Variants in COL6A2 observed in about 807,000 individuals in gnomAD.
COL6A2 encodes collagen type VI alpha 2 chain, also known as collagen alpha-2(VI) chain.
A neutral mutation model predicts 124.9 loss-of-function variants in COL6A2; 90 were observed. That is an observed-to-expected ratio of 0.72 (90% CI 0.61 to 0.86). The LOEUF (loss-of-function observed/expected upper bound fraction) is 0.86. Ranked by LOEUF, COL6A2 falls within the 40% of genes least tolerant of loss-of-function variation. The pLI is 0.00. For synonymous variants in COL6A2, 793 were observed against 618.2 expected (o/e 1.28, Z -4.19); for missense variants, 1,607 against 1,502.5 (o/e 1.07, Z -1.15).
At chr21:46,107,822 T>C (rs1054647305) in intron 1 of COL6A2, among the ~76,000 whole-genome samples, 3 of 152,184 alleles carry the variant, frequency 2.0e-5, no homozygotes, top group African/African-American at 7.2e-5. Flanking sequence ...TAAACCAATG[T>C]ATTTCTTAAA....
At chr21:46,122,757 A>C (rs748931298) in intron 20 of COL6A2, 118 bp from the exon 21 acceptor site, 25 of 1,117,872 alleles carry the variant, frequency 2.2e-5, no homozygotes, top group African/African-American at 3.1e-5. Flanking sequence ...AACCACATAG[A>C]TGCTCCCGTT....
intron 14 of COL6A2, 34 bp from the exon 15 acceptor site, chr21:46,119,754 C>T (rs771466903): frequency 5.8e-6 from 9 of 1,546,610 alleles, no homozygotes; most frequent in South Asian, 3.6e-5. Flanking sequence ...TTGGACTCAG[C>T]CCCCTCCCTC....
intron 27 of COL6A2, among the ~76,000 whole-genome samples, chr21:46,130,199 A>G (rs566605632): frequency 2.0e-5 from 3 of 152,196 alleles, no homozygotes; most frequent in Non-Finnish European, 4.4e-5. Context: ...GCTGCCTGCC[A>G]GCAGCCCTGA....
At position 46,122,891 on chromosome 21, in the gene COL6A2, T is replaced by G. The variant is rs2123650926; in HGVS notation, c.1625T>G (p.Phe542Cys). Residue 542 changes from phenylalanine to cysteine, a missense_variant, in exon 21 of 28, where the codon TTT (phenylalanine) becomes TGT (cysteine). Physicochemically the swap from Phe to Cys is radical, Grantham distance 205. Transcript: ENST00000300527. ...PRGPEGGRGD[F>C]GLKGEPGRKG... The stretch of plus-strand genomic sequence containing the variant: ...CTGTCACAGGGAGGCCGAGGCGACT[T>G]TGGCTTGAAAGGAGAACCTGGGAGG... The G allele has an allele frequency of 1.9e-6, 3 of 1,613,338 alleles. No individual in the cohort carries two copies. The highest frequency in any genetic ancestry group is 2.5e-6 in the Non-Finnish European group (3 of 1,179,936).
chr21:46,123,649 GTGGATACA>G (rs1218609875), intron 21 of COL6A2, among the ~76,000 whole-genome samples: 1 of 148,302 alleles, frequency 6.7e-6, no homozygotes, highest in Non-Finnish European at 1.5e-5. Context: ...GGATGGATAA[GTGGATACA>G]TGGGTGAATG....
rs753432196 is a variant in COL6A2, at chr21:46,132,403, C to G, written c.2911C>G (p.Pro971Ala). ...AHSMRKQNVVPTVLALGSDVD... is the reference protein window; with the variant it reads ...AHSMRKQNVVATVLALGSDVD... The stretch of plus-strand genomic sequence containing the variant: ...CTCCATGCGCAAGCAGAACGTGGTA[C>G]CCACCGTGCTGGCCTTGGGCAGCGA... Residue 971 changes from proline to alanine, a missense_variant, in exon 28 of 28, where the codon CCC (proline) becomes GCC (alanine). By Grantham distance (27) the Pro-to-Ala change is conservative. This residue lies in a region of COL6A2 where 1,223 missense variants were observed against 1,052.2 expected (regional missense o/e 1.16). Transcript: ENST00000300527. 1 of 1,609,016 alleles carries G rather than the reference C, an allele frequency of 6.2e-7. No homozygotes were observed. Among genetic ancestry groups the G allele is most frequent in the South Asian group, 1.1e-5 (1 of 91,062 alleles).
At chr21:46,123,692 G>A (rs372365470) in intron 21 of COL6A2, among the ~76,000 whole-genome samples, 1,791 of 75,258 alleles carry the variant, frequency 0.024, 35 homozygotes, top group African/African-American at 0.08. Flanking sequence ...TGAGTAGGTG[G>A]GTAGGTGGGT....
chr21:46,117,758 TCA>T, intron 11 of COL6A2, 114 bp from the exon 12 acceptor site: 1 of 1,078,020 alleles, frequency 9.3e-7, no homozygotes, highest in Non-Finnish European at 1.4e-6. Flanking sequence ...AGCCTGGGCC[TCA>T]CAGTGAGGGT....
In COL6A2 at chr21:46,125,821, G is replaced by A. The variant is rs2078655364; in HGVS notation, c.2006G>A (p.Gly669Asp). The change falls in exon 26 of 28, where the codon GGC becomes GAC. Residue 669 changes from glycine to aspartate, a missense_variant. This residue lies in a region of COL6A2 where 1,223 missense variants were observed against 1,052.2 expected (regional missense o/e 1.16). Transcript: ENST00000300527. ...GGCGTGGTGCAGTACAGCCACGAGG[G>A]CACCTTTGAGGCCATCCAGCTGGAC... ...RVGVVQYSHEGTFEAIQLDDE... is the reference protein window; with the variant it reads ...RVGVVQYSHEDTFEAIQLDDE... The A allele has an allele frequency of 2.5e-6, 4 of 1,612,606 alleles. No homozygotes were observed. Among genetic ancestry groups the A allele is most frequent in the East Asian group, 4.5e-5 (2 of 44,784 alleles).
chr21:46,132,817 C>T lies in COL6A2; in HGVS notation c.*265C>T, dbSNP rs1359625009. On this transcript the variant is annotated 3_prime_UTR_variant, in exon 28 of 28. Transcript: ENST00000300527. ...CCTACCTGGCCCCTGAGCTCTGGAG[C>T]AAGCCCTGACCCAATAAAGGCTTTG... is the stretch of plus-strand genomic sequence containing the variant. 1.8e-6 allele frequency: 1 copy of T among 564,464 alleles called. No homozygotes were observed. Among genetic ancestry groups the T allele is most frequent in the Admixed American group, 3.1e-5 (1 of 32,596 alleles). 35.0% of individuals were successfully genotyped at this position (564,464 alleles called of 1,614,324 possible). A position where few individuals can be genotyped will look rare whatever the true frequency, so the allele number is the denominator to read the frequency against.
rs570314343 is a variant in COL6A2, at chr21:46,118,052, G to A, written c.1116+116G>A. ...AGGGCCTTTCTGGAAACACTGGTCA[G>A]TGAGGAGCCAATGGCCGTGGGATGT... On this transcript the variant is annotated intron_variant, in intron 12 of 27. Coordinates refer to ENST00000300527, the MANE Select transcript of COL6A2 (RefSeq NM_001849.4). 1.7e-4 allele frequency: 162 copies of A among 975,698 alleles called. No individual in the cohort carries two copies. In the South Asian group the frequency reaches 2.0e-3, roughly 12 times the overall value. 60.4% of individuals were successfully genotyped at this position (975,698 alleles called of 1,614,324 possible).
At chr21:46,126,476 T>G in intron 26 of COL6A2, 27 bp from the exon 27 acceptor site, 2 of 1,611,510 alleles carry the variant, frequency 1.2e-6, no homozygotes, top group South Asian at 2.2e-5. Context: ...GACCCTGGCC[T>G]GGCCCGGCCT....
chr21:46,099,276 A>AC (rs1191424373), intron 1 of COL6A2: 1 of 152,046 alleles, frequency 6.6e-6, no homozygotes, highest in East Asian at 1.9e-4. Flanking sequence ...ACAGGGTGAA[A>AC]CCCCGTCTCT....
chr21:46,117,794 C>T (rs1384866861), intron 11 of COL6A2, 80 bp from the exon 12 acceptor site: 52 of 1,444,744 alleles, frequency 3.6e-5, no homozygotes, highest in Non-Finnish European at 5.0e-5. Flanking sequence ...CGGGCTGGGA[C>T]AATGGAGCAC....
At chr21:46,121,416 G>A (rs2078564033) in intron 17 of COL6A2, 140 bp from the exon 18 acceptor site, 3 of 853,792 alleles carry the variant, frequency 3.5e-6, no homozygotes, top group South Asian at 1.4e-5. Context: ...TCAAGACAGA[G>A]GTCCACGGCC....
Position 46,127,006 on chromosome 21 carries a change from C to T in COL6A2, c.2461+465C>T, listed in dbSNP as rs564994814. Among the ~76,000 whole-genome samples the T allele has an allele frequency of 3.2e-3, 5 of 1,550 alleles. No individual in the cohort carries two copies. The South Asian group carries it at 0.3, about 93-fold the overall frequency. The allele number at this position is 1,550 out of a possible 152,430, so 1.0% of individuals were successfully genotyped here. A position where few individuals can be genotyped will look rare whatever the true frequency, so the allele number is the denominator to read the frequency against. On this transcript the variant is annotated intron_variant, in intron 27 of 27. Transcript: ENST00000300527. ...CTGGCCTGCCTCGGAGCTGCAGCTG[C>T]GGCTCTCACATCTCTGGGAGTGGGG...
intron 5 of COL6A2, 87 bp downstream of exon 5, chr21:46,114,160 C>T (rs1227349799): frequency 8.8e-7 from 1 of 1,132,080 alleles, no homozygotes; most frequent in Non-Finnish European, 1.3e-6. Context: ...GGCGTGGTGG[C>T]TCATACCTGT....
intron 27 of COL6A2, among the ~76,000 whole-genome samples, chr21:46,131,696 C>CAGGGCCT (rs1290955765): frequency 7.9e-5 from 12 of 152,162 alleles, no homozygotes; most frequent in African/African-American, 1.4e-4. Context: ...AGCAGGTGGA[C>CAGGGCCT]AGGGCCTGGG....
chr21:46,121,992 C>T lies in COL6A2; in HGVS notation c.1522-116C>T, dbSNP rs959373064. On this transcript the variant is annotated intron_variant, in intron 18 of 27. Coordinates refer to ENST00000300527, the MANE Select transcript of COL6A2 (RefSeq NM_001849.4). ...CAGGCCTCTGCTCACAGCCAGAACTCGACGGCACCCCTAGCCCACTTCCAC... is the reference window on the plus strand; with the variant it reads ...CAGGCCTCTGCTCACAGCCAGAACTTGACGGCACCCCTAGCCCACTTCCAC... The T allele has an allele frequency of 4.5e-5, 50 of 1,099,426 alleles. 1 individual carries two copies. The Middle Eastern group carries it at 7.3e-4, about 16-fold the overall frequency. 68.1% of individuals were successfully genotyped at this position (1,099,426 alleles called of 1,614,324 possible). A position where few individuals can be genotyped will look rare whatever the true frequency, so the allele number is the denominator to read the frequency against.
Sources: gnomAD v4.1 joint callset for allele counts (sites outside exome capture counted in the v4.1 genomes callset) on GRCh38, gnomAD v4.1.1 for gene constraint, gnomAD v4.1.1 regional missense constraint, MANE v1.5 for transcripts, NCBI Gene and HGNC (gene_info 2026-07-23, HGNC 2026-07-21) for gene names.